The following NCOR1 variants were observed in gnomAD, a reference collection of about 807,000 sequenced individuals.
NCOR1 encodes nuclear receptor corepressor 1, also known as protein phosphatase 1, regulatory subunit 109.
NCOR1 carries 63 observed loss-of-function variants against 288.1 expected under a neutral mutation model. The observed-to-expected ratio is 0.22, with a 90% CI of 0.18 to 0.27. The LOEUF (loss-of-function observed/expected upper bound fraction) is 0.27. NCOR1 is among the 10% of genes least tolerant of loss of function. The probability of loss-of-function intolerance (pLI) is 1.00; values close to 1 mark genes in which losing one functional copy is unlikely to be tolerated. For missense variants in NCOR1, 2,397 were observed against 3,019.2 expected (o/e 0.79, Z 4.83); for synonymous variants, 1,007 against 1,065.9 (o/e 0.94, Z 1.08).
intron 9 of NCOR1, among the ~76,000 whole-genome samples, chr17:16,148,173 T>A (rs1055048654): frequency 6.6e-6 from 1 of 152,160 alleles, no homozygotes; most frequent in African/African-American, 2.4e-5. Context: ...TCCAGGACAG[T>A]ATACAACCTG....
At chr17:16,128,203 A>G (rs1430823314) in intron 14 of NCOR1, among the ~76,000 whole-genome samples, 1 of 152,160 alleles carries the variant, frequency 6.6e-6, no homozygotes, top group Non-Finnish European at 1.5e-5. Context: ...CTGCCACATC[A>G]TCTTCGCTGT....
chr17:16,158,894 G>T lies in NCOR1; in HGVS notation c.619-21C>A, dbSNP rs200513964. 4.5e-6 allele frequency: 7 copies of T among 1,568,884 alleles called. No homozygotes were observed. In the East Asian group the frequency reaches 1.6e-4, roughly 35 times the overall value. ...TGTTGCTAAGAGATCCAGAAAGAAA[G>T]AGTCAAGCATGTGCTGCACACCACA... On this transcript the variant is annotated intron_variant, in intron 5 of 45. Transcript: ENST00000268712.
chr17:16,083,864 G>T (rs531449564), intron 23 of NCOR1, among the ~76,000 whole-genome samples: 2 of 151,824 alleles, frequency 1.3e-5, no homozygotes, highest in East Asian at 1.9e-4. Flanking sequence ...TGTTTGGGGG[G>T]GGAAATAAAC....
intron 2 of NCOR1, among the ~76,000 whole-genome samples, chr17:16,190,392 C>A (rs1275930111): frequency 6.6e-6 from 1 of 151,576 alleles, no homozygotes; most frequent in Non-Finnish European, 1.5e-5. Flanking sequence ...TGGAGTGCAG[C>A]GGCACGATCT....
intron 15 of NCOR1, among the ~76,000 whole-genome samples, chr17:16,124,492 T>C (rs1336999441): frequency 6.6e-6 from 1 of 152,214 alleles, no homozygotes; most frequent in Non-Finnish European, 1.5e-5. Context: ...CAAGTGCATA[T>C]GCTTGTCAAA....
intron 37 of NCOR1, among the ~76,000 whole-genome samples, chr17:16,059,868 C>T (rs1007961258): frequency 6.6e-6 from 1 of 152,136 alleles, no homozygotes. Context: ...TTCTAGTACA[C>T]TTAGGAGATT....
At chr17:16,133,274 C>T (rs2075928269) in intron 14 of NCOR1, among the ~76,000 whole-genome samples, 1 of 152,104 alleles carries the variant, frequency 6.6e-6, no homozygotes, top group African/African-American at 2.4e-5. Flanking sequence ...CAGCCACACA[C>T]TATACATTTA....
At chr17:16,199,730 T>C (rs1232250112) in intron 1 of NCOR1, among the ~76,000 whole-genome samples, 2 of 152,246 alleles carry the variant, frequency 1.3e-5, no homozygotes, top group Non-Finnish European at 2.9e-5. Context: ...GGTAGTTACA[T>C]GGTTGACTCA....
chr17:16,044,284 G>A (rs776610745), intron 42 of NCOR1, among the ~76,000 whole-genome samples: 3 of 152,016 alleles, frequency 2.0e-5, no homozygotes, highest in Admixed American at 6.6e-5. Flanking sequence ...ACAGAACCTA[G>A]TAATTAAGAG....
Position 16,031,138 on chromosome 17 carries a change from G to C in NCOR1, c.*1158C>G, listed in dbSNP as rs1971911794. On this transcript the variant is annotated 3_prime_UTR_variant, in exon 46 of 46. Coordinates refer to ENST00000268712, the MANE Select transcript of NCOR1 (RefSeq NM_006311.4). Reference sequence around the variant, plus strand: ...GTCTTTTAAATTATTTGCACCTTGAGACTCTGTGAAATGAAAACATTTAAC... The same window carrying C: ...GTCTTTTAAATTATTTGCACCTTGACACTCTGTGAAATGAAAACATTTAAC... 5.1e-6 allele frequency: 1 copy of C among 195,522 alleles called. No individual in the cohort carries two copies. The highest frequency in any genetic ancestry group is 8.0e-5 in the East Asian group (1 of 12,476). The allele number at this position is 195,522 out of a possible 1,614,324, so 12.1% of individuals were successfully genotyped here. A position where few individuals can be genotyped will look rare whatever the true frequency, so the allele number is the denominator to read the frequency against.
chr17:16,205,725 G>A (rs553288996), intron 1 of NCOR1, among the ~76,000 whole-genome samples: 2 of 151,868 alleles, frequency 1.3e-5, no homozygotes, highest in African/African-American at 4.8e-5. Context: ...ATCACCTGAG[G>A]TCGAGAGTTC....
At chr17:16,181,211 ATGTGTGTG>A (rs61215793) in intron 3 of NCOR1, among the ~76,000 whole-genome samples, 1,760 of 139,560 alleles carry the variant, frequency 0.013, 37 homozygotes, top group African/African-American at 0.04. Flanking sequence ...ATATATATGT[ATGTGTGTG>A]TGTGTGTGTG....
rs1174943392 is a variant in NCOR1 at position 16,095,327 on chromosome 17, G to A, written c.2820+3040C>T. ...TGAGAAGTGAGGAGACCCTCTGCCC[G>A]GCTGCCACCCCGTCTGGGAAGTGAG... On this transcript the variant is annotated intron_variant, in intron 21 of 45. Transcript: ENST00000268712. 6.0e-5 allele frequency among the ~76,000 whole-genome samples: 9 copies of A among 149,826 alleles called. No individual in the cohort carries two copies. In the East Asian group the frequency reaches 6.1e-4, roughly 10 times the overall value.
At chr17:16,212,877 G>C in intron 1 of NCOR1, among the ~76,000 whole-genome samples, 1 of 151,774 alleles carries the variant, frequency 6.6e-6, no homozygotes, top group East Asian at 1.9e-4. Flanking sequence ...CTCGAGACCA[G>C]CCTAGACAAC....
intron 14 of NCOR1, among the ~76,000 whole-genome samples, chr17:16,126,708 G>A (rs1046833766): frequency 1.3e-5 from 2 of 152,158 alleles, no homozygotes; most frequent in Admixed American, 1.3e-4. Context: ...TAAGACTGAA[G>A]TAATTTGGAA....
chr17:16,045,983 T>A (rs1252031279), intron 42 of NCOR1, among the ~76,000 whole-genome samples: 1 of 152,064 alleles, frequency 6.6e-6, no homozygotes, highest in African/African-American at 2.4e-5. Context: ...CCAGCTAATT[T>A]TTTATATTTT....
chr17:16,127,668 TATATATGTGTATGTGTATATATAC>T (rs2074882781), intron 14 of NCOR1, among the ~76,000 whole-genome samples: 1 of 145,970 alleles, frequency 6.9e-6, no homozygotes, highest in Admixed American at 6.8e-5. Context: ...TACATATATG[TATATATGTGTATGTGTATATATAC>T]ATATATGTAT....
At position 16,101,957 on chromosome 17, in the gene NCOR1, C is replaced by T. The variant is rs533737019; in HGVS notation, c.2183-200G>A. Among the ~76,000 whole-genome samples, 207 of 152,290 alleles carry T rather than the reference C, an allele frequency of 1.4e-3. 2 individuals are homozygous for T. The Middle Eastern group carries it at 0.024, about 18-fold the overall frequency. The stretch of plus-strand genomic sequence containing the variant: ...CAGCCATTGAGAAGGCTAAAGTTTC[C>T]TACAGAGTATAAAAGTGAAAGATCA... On this transcript the variant is annotated intron_variant, in intron 19 of 45. Coordinates refer to ENST00000268712, the MANE Select transcript of NCOR1 (RefSeq NM_006311.4).
chr17:16,191,774 A>T (rs2088398480), intron 2 of NCOR1: 1 of 152,150 alleles, frequency 6.6e-6, no homozygotes, highest in South Asian at 2.1e-4. Flanking sequence ...AAATCCACAG[A>T]ATCAGGAAGC....
Sources: allele counts gnomAD v4.1 joint callset (sites outside exome capture counted in the v4.1 genomes callset), GRCh38; gene constraint gnomAD v4.1.1; transcripts MANE v1.5; gene names NCBI Gene and HGNC (gene_info 2026-07-23, HGNC 2026-07-21).